The following C14orf39 variants were observed in gnomAD, a reference collection of about 807,000 sequenced individuals.
C14orf39 encodes protein SIX6OS1.
C14orf39 carries 66 observed loss-of-function variants against 85.6 expected under a neutral mutation model. That is an observed-to-expected ratio of 0.77 (90% CI 0.63 to 0.95). The LOEUF is 0.95. C14orf39 is among the 40% of genes least tolerant of loss of function. The pLI is 0.00. For missense variants in C14orf39, 735 were observed against 663.9 expected (o/e 1.11, Z -1.18); for synonymous variants, 242 against 214.0 (o/e 1.13, Z -1.14).
chr14:60,476,196 G>A (rs965495011), intron 5 of C14orf39, among the ~76,000 whole-genome samples: 8 of 152,158 alleles, frequency 5.3e-5, no homozygotes, highest in Admixed American at 4.6e-4. Flanking sequence ...ATGGTCCAGG[G>A]AAGAAATACC....
chr14:60,477,787 G>C (rs180967908), intron 5 of C14orf39, among the ~76,000 whole-genome samples: 44 of 152,200 alleles, frequency 2.9e-4, no homozygotes, highest in African/African-American at 1.0e-3. Context: ...TATATCTAAG[G>C]CCATATCTAA....
At chr14:60,457,372 A>G (rs1454703368) in intron 14 of C14orf39, among the ~76,000 whole-genome samples, 1 of 151,686 alleles carries the variant, frequency 6.6e-6, no homozygotes, top group Admixed American at 6.6e-5. Flanking sequence ...GGAATTGATG[A>G]AAAAAAAGAC....
At chr14:60,483,956 G>C in intron 3 of C14orf39, 139 bp from the exon 4 acceptor site, 1 of 579,510 alleles carries the variant, frequency 1.7e-6, no homozygotes, top group Non-Finnish European at 3.0e-6. Context: ...CTTGAGATGG[G>C]TGGGACCGTA....
At chr14:60,510,076 T>G in intron 1 of C14orf39, 1 of 1,026,064 alleles carries the variant, frequency 9.7e-7, no homozygotes, top group East Asian at 2.6e-5. Flanking sequence ...TCAGCAGGAG[T>G]TGGGAGCGCG....
intron 16 of C14orf39, among the ~76,000 whole-genome samples, chr14:60,453,650 A>T (rs1378065663): frequency 1.3e-5 from 2 of 151,342 alleles, no homozygotes; most frequent in Non-Finnish European, 3.0e-5. Flanking sequence ...GTGGGGTTGA[A>T]TTTTTTAGAA....
At chr14:60,440,604 T>C (rs893836631) in intron 17 of C14orf39, among the ~76,000 whole-genome samples, 2 of 152,166 alleles carry the variant, frequency 1.3e-5, no homozygotes, top group African/African-American at 4.8e-5. Flanking sequence ...GTTCTCCACA[T>C]AGCAGCCAGA....
At chr14:60,438,880 T>C (rs1890381910) in intron 17 of C14orf39, among the ~76,000 whole-genome samples, 1 of 152,112 alleles carries the variant, frequency 6.6e-6, no homozygotes, top group Non-Finnish European at 1.5e-5. Flanking sequence ...GTTACCCTTA[T>C]AAGATAAAAG....
chr14:60,450,606 G>A (rs1566658669), intron 16 of C14orf39, among the ~76,000 whole-genome samples: 1 of 152,212 alleles, frequency 6.6e-6, no homozygotes, highest in African/African-American at 2.4e-5. Context: ...CTGAAGGGAT[G>A]GACACAAATC....
rs1241612420 is a variant in C14orf39, at chr14:60,443,878, CCT to C, written c.1504-1749_1504-1748del. The stretch of plus-strand genomic sequence containing the variant: ...TTCTGCAATATTTACTGTTCTGCAG[CCT>C]CCACTGGTGATACACAGGCAAACAG... On this transcript the variant is annotated intron_variant, in intron 16 of 17. Transcript: ENST00000321731. 5.3e-5 allele frequency among the ~76,000 whole-genome samples: 8 copies of C among 152,210 alleles called. No individual in the cohort carries two copies. The East Asian group carries it at 1.2e-3, about 22-fold the overall frequency.
At chr14:60,468,370 G>A (rs1320651649) in intron 9 of C14orf39, 75 bp downstream of exon 9, 1 of 806,292 alleles carries the variant, frequency 1.2e-6, no homozygotes, top group Non-Finnish European at 1.9e-6. Context: ...AGTGGTTTGG[G>A]ATGGAATATA....
intron 1 of C14orf39, among the ~76,000 whole-genome samples, chr14:60,502,252 C>T (rs1388347287): frequency 6.6e-6 from 1 of 152,024 alleles, no homozygotes; most frequent in Non-Finnish European, 1.5e-5. Context: ...GTGAGGAGGT[C>T]CTCAGCAATG....
chr14:60,484,063 T>C lies in C14orf39; in HGVS notation c.107-246A>G, dbSNP rs1417032840. On this transcript the variant is annotated intron_variant, in intron 3 of 17. Coordinates refer to ENST00000321731, the MANE Select transcript of C14orf39 (RefSeq NM_174978.3). This position sits in a 1 kb window ranked among gnomAD's most constrained non-coding sequence, Gnocchi z 4.2. ...ATGATGAAAAAATAAATGTCCCTTG[T>C]ACCTCATCTTTAACATAAAAGGGCT... Among the ~76,000 whole-genome samples, 1 of 152,194 alleles carries C rather than the reference T, an allele frequency of 6.6e-6. No individual in the cohort carries two copies. The highest frequency in any genetic ancestry group is 1.5e-5 in the Non-Finnish European group (1 of 68,026).
At chr14:60,475,969 A>G (rs1039728167) in intron 5 of C14orf39, among the ~76,000 whole-genome samples, 4 of 152,196 alleles carry the variant, frequency 2.6e-5, no homozygotes, top group African/African-American at 7.2e-5. Flanking sequence ...AGATTAGAAA[A>G]GAGCAAGTTT....
intron 5 of C14orf39, among the ~76,000 whole-genome samples, chr14:60,475,967 A>G (rs1956552): frequency 0.86 from 130,880 of 152,116 alleles, 56,983 homozygotes; most frequent in Non-Finnish European, 0.92. Flanking sequence ...GCAGATTAGA[A>G]AAGAGCAAGT....
At chr14:60,464,901 T>G (rs1891712661) in intron 11 of C14orf39, among the ~76,000 whole-genome samples, 1 of 152,116 alleles carries the variant, frequency 6.6e-6, no homozygotes, top group South Asian at 2.1e-4. Context: ...GCTTTCTAAC[T>G]GTTTTATTTT....
chr14:60,471,285 T>C, intron 7 of C14orf39, 132 bp downstream of exon 7: 3 of 807,422 alleles, frequency 3.7e-6, no homozygotes, highest in Non-Finnish European at 5.8e-6. Context: ...ACCTTTAAAA[T>C]TACTTTTTAA....
At position 60,458,627 on chromosome 14, in the gene C14orf39, T is replaced by C. The variant is rs370025504; in HGVS notation, c.1179+51A>G. ...ATCTGAAATTTAAATAGACATAATA[T>C]TTTAAATTGGAATTTTTGCTTAGAA... On this transcript the variant is annotated intron_variant, in intron 14 of 17. Transcript: ENST00000321731. 9.8e-4 allele frequency: 1,288 copies of C among 1,310,116 alleles called. 2 individuals are homozygous for C. Among genetic ancestry groups the C allele is most frequent in the Non-Finnish European group, 1.3e-3 (1,163 of 918,216 alleles). 81.2% of individuals were successfully genotyped at this position (1,310,116 alleles called of 1,614,324 possible).
At chr14:60,454,613 AT>A (rs1891184007) in intron 16 of C14orf39, among the ~76,000 whole-genome samples, 1 of 152,026 alleles carries the variant, frequency 6.6e-6, no homozygotes, top group Non-Finnish European at 1.5e-5. Flanking sequence ...GTCTTTTAAA[AT>A]TAACCAGTGA....
chr14:60,451,237 G>C (rs1010712001), intron 16 of C14orf39, among the ~76,000 whole-genome samples: 6 of 152,114 alleles, frequency 3.9e-5, no homozygotes, highest in African/African-American at 1.4e-4. Flanking sequence ...TTACATTGTT[G>C]GTGGGACTGT....
Sources: allele counts gnomAD v4.1 joint callset (sites outside exome capture counted in the v4.1 genomes callset), GRCh38; gene constraint gnomAD v4.1.1; non-coding constraint Gnocchi (gnomAD v3.1); transcripts MANE v1.5; gene names NCBI Gene and HGNC (gene_info 2026-07-23, HGNC 2026-07-21).